Variants in XRRA1 observed in about 807,000 individuals in gnomAD.
The protein encoded by XRRA1 is X-ray radiation resistance associated 1.
Under a neutral mutation model 80.2 loss-of-function variants are expected in XRRA1, and 69 were observed. The observed-to-expected ratio is 0.86, with a 90% CI of 0.71 to 1.05. XRRA1 has a LOEUF of 1.05. XRRA1 is among the 50% of genes least tolerant of loss of function. The pLI is 0.00. For synonymous variants in XRRA1, 348 were observed against 389.9 expected (o/e 0.89, Z 1.27); for missense variants, 967 against 976.4 (o/e 0.99, Z 0.13).
At chr11:74,933,987 GTTCATTCATTCA>G (rs60527965) in intron 4 of XRRA1, 115 bp from the exon 5 acceptor site, 9 of 656,060 alleles carry the variant, frequency 1.4e-5, no homozygotes, top group South Asian at 2.3e-5. Flanking sequence ...TTGTTTGCTT[GTTCATTCATTCA>G]TTCATTCATT....
At chr11:74,844,137 C>A (rs757177021) in intron 17 of XRRA1, 31 bp downstream of exon 17, 1 of 1,594,826 alleles carries the variant, frequency 6.3e-7, no homozygotes, top group East Asian at 2.2e-5. Context: ...ACTCAGGGGC[C>A]ATTTACACAT....
intron 7 of XRRA1, among the ~76,000 whole-genome samples, chr11:74,926,766 A>T (rs1376238593): frequency 6.6e-6 from 1 of 151,964 alleles, no homozygotes. Context: ...ATGCAAACAA[A>T]ATTTTCTGTA....
chr11:74,934,818 G>A (rs1199620494), intron 4 of XRRA1, among the ~76,000 whole-genome samples: 1 of 152,120 alleles, frequency 6.6e-6, no homozygotes, highest in Non-Finnish European at 1.5e-5. Flanking sequence ...GCAGGGGGCT[G>A]ATAGTAATTT....
intron 10 of XRRA1, among the ~76,000 whole-genome samples, chr11:74,869,933 A>G (rs1403342134): frequency 6.6e-6 from 1 of 152,130 alleles, no homozygotes; most frequent in East Asian, 1.9e-4. Context: ...TGATTTCCTC[A>G]GCCATGAGAC....
chr11:74,866,777 A>G (rs193005481), intron 10 of XRRA1, among the ~76,000 whole-genome samples: 1 of 152,102 alleles, frequency 6.6e-6, no homozygotes, highest in Admixed American at 6.5e-5. Context: ...CTCAAAGATT[A>G]TATGAAAATA....
At chr11:74,903,028 T>C (rs1272283615) in intron 10 of XRRA1, among the ~76,000 whole-genome samples, 1 of 152,132 alleles carries the variant, frequency 6.6e-6, no homozygotes, top group Non-Finnish European at 1.5e-5. Context: ...TAAATATCAC[T>C]TTACACCTAC....
intron 10 of XRRA1, among the ~76,000 whole-genome samples, chr11:74,890,383 C>T (rs2050317375): frequency 6.6e-6 from 1 of 152,174 alleles, no homozygotes; most frequent in African/African-American, 2.4e-5. Context: ...ACCAGAATCC[C>T]TGGGACACAT....
At chr11:74,881,415 C>G (rs1289992635) in intron 10 of XRRA1, among the ~76,000 whole-genome samples, 1 of 150,668 alleles carries the variant, frequency 6.6e-6, no homozygotes. Flanking sequence ...GACTCTTTAT[C>G]CAATTTGCCA....
chr11:74,899,491 AAAC>A (rs1176049384), intron 10 of XRRA1, among the ~76,000 whole-genome samples: 2 of 152,184 alleles, frequency 1.3e-5, no homozygotes, highest in Admixed American at 6.5e-5. Context: ...TTGAAAAGAT[AAAC>A]AAAATTCAGT....
chr11:74,874,109 G>A (rs936349349), intron 10 of XRRA1, among the ~76,000 whole-genome samples: 4 of 151,598 alleles, frequency 2.6e-5, no homozygotes, highest in African/African-American at 7.3e-5. Context: ...GGTGGCACAC[G>A]CCTGTATTCC....
intron 10 of XRRA1, among the ~76,000 whole-genome samples, chr11:74,878,421 C>G (rs1216322354): frequency 6.6e-6 from 1 of 151,858 alleles, no homozygotes; most frequent in East Asian, 1.9e-4. Context: ...GTTGCCTGTT[C>G]ACTCTGATGG....
At chr11:74,900,835 A>C (rs78185959) in intron 10 of XRRA1, among the ~76,000 whole-genome samples, 3,228 of 152,322 alleles carry the variant, frequency 0.021, 108 homozygotes, top group African/African-American at 0.074. Context: ...TATGACAGAC[A>C]CATAGTTAGT....
At chr11:74,871,181 T>C (rs372515231) in intron 10 of XRRA1, among the ~76,000 whole-genome samples, 205 of 152,350 alleles carry the variant, frequency 1.3e-3, no homozygotes, top group African/African-American at 4.8e-3. Context: ...TAGAGTTGCA[T>C]GGGTGAGTGT....
intron 4 of XRRA1, among the ~76,000 whole-genome samples, chr11:74,935,161 G>C (rs1944642382): frequency 6.6e-6 from 1 of 152,152 alleles, no homozygotes; most frequent in Admixed American, 6.5e-5. Context: ...ACCGGTTTTG[G>C]AAAGCATTTT....
intron 12 of XRRA1, among the ~76,000 whole-genome samples, chr11:74,858,286 CAGT>C (rs2041577295): frequency 6.6e-6 from 1 of 152,156 alleles, no homozygotes; most frequent in Non-Finnish European, 1.5e-5. Context: ...AAGGGTGTAA[CAGT>C]GGGGGAAAGA....
chr11:74,861,785 AGTT>A (rs2042367293), intron 11 of XRRA1, among the ~76,000 whole-genome samples: 1 of 152,142 alleles, frequency 6.6e-6, no homozygotes, highest in Admixed American at 6.5e-5. Context: ...CCTGAGTTTG[AGTT>A]GTTCTAGAAA....
At chr11:74,899,800 T>C (rs1024200783) in intron 10 of XRRA1, among the ~76,000 whole-genome samples, 1 of 152,194 alleles carries the variant, frequency 6.6e-6, no homozygotes, top group East Asian at 1.9e-4. Flanking sequence ...ACATCATGGC[T>C]TCACTGCTGA....
intron 10 of XRRA1, among the ~76,000 whole-genome samples, chr11:74,870,536 A>G (rs769554329): frequency 2.0e-5 from 3 of 152,238 alleles, no homozygotes; most frequent in Non-Finnish European, 4.4e-5. Context: ...CAAATGCCAT[A>G]GTAACCAGGA....
At chr11:74,931,310 T>C (rs603062) in intron 5 of XRRA1, among the ~76,000 whole-genome samples, 4 of 151,608 alleles carry the variant, frequency 2.6e-5, no homozygotes, top group African/African-American at 9.7e-5. Context: ...ATGTTGACAG[T>C]TGTAGTTCTA....
Sources: allele counts gnomAD v4.1 joint callset (sites outside exome capture counted in the v4.1 genomes callset), GRCh38; gene constraint gnomAD v4.1.1; transcripts MANE v1.5; gene names NCBI Gene and HGNC (gene_info 2026-07-23, HGNC 2026-07-21).